MYO5B: variants seen among roughly 807,000 people sequenced by gnomAD.
MYO5B encodes unconventional myosin-Vb.
In MYO5B, 143 loss-of-function variants were observed where a neutral mutation model predicts 229.3. That is an observed-to-expected ratio of 0.62 (90% CI 0.54 to 0.72). The LOEUF (loss-of-function observed/expected upper bound fraction) is 0.72, where lower values mean the gene tolerates loss of function less well. MYO5B is among the 30% of genes least tolerant of loss of function. The probability of loss-of-function intolerance (pLI) is 0.00; values close to 1 mark genes in which losing one functional copy is unlikely to be tolerated. For missense variants in MYO5B, 2,321 were observed against 2,331.0 expected (o/e 1.00, Z 0.09); for synonymous variants, 918 against 885.2 (o/e 1.04, Z -0.66).
chr18:50,017,288 T>G (rs1471134710), intron 4 of MYO5B, among the ~76,000 whole-genome samples: 1 of 151,070 alleles, frequency 6.6e-6, no homozygotes, highest in Non-Finnish European at 1.5e-5. Flanking sequence ...CTGGCTAAAT[T>G]TTTTTTTTGT....
intron 1 of MYO5B, among the ~76,000 whole-genome samples, chr18:50,082,660 C>T (rs2031246114): frequency 1.3e-5 from 2 of 152,308 alleles, no homozygotes; most frequent in South Asian, 4.1e-4. Flanking sequence ...TCATGGATAT[C>T]CCTTCCAACT....
intron 1 of MYO5B, among the ~76,000 whole-genome samples, chr18:50,096,127 A>G (rs56233510): frequency 0.076 from 11,517 of 152,220 alleles, 576 homozygotes; most frequent in Non-Finnish European, 0.11. Context: ...GACACTTCCC[A>G]TATATGAAAA....
intron 36 of MYO5B, 49 bp from the exon 37 acceptor site, chr18:49,837,851 C>G: frequency 6.2e-7 from 1 of 1,604,628 alleles, no homozygotes; most frequent in Non-Finnish European, 8.5e-7. Context: ...ACTAACAATG[C>G]AAAGATTGGA....
At chr18:49,961,974 G>A (rs1475349235) in intron 12 of MYO5B, among the ~76,000 whole-genome samples, 2 of 152,146 alleles carry the variant, frequency 1.3e-5, no homozygotes, top group East Asian at 3.9e-4. Context: ...TGGCACCTAG[G>A]TCACCTGGGA....
At chr18:49,887,679 A>T (rs2024659564) in intron 22 of MYO5B, among the ~76,000 whole-genome samples, 1 of 152,010 alleles carries the variant, frequency 6.6e-6, no homozygotes, top group Admixed American at 6.6e-5. Context: ...ATGCAGCCAC[A>T]GGTGTTTCTT....
At position 49,990,506 on chromosome 18, in the gene MYO5B, C is replaced by T. The variant is rs1054946795; in HGVS notation, c.771G>A (p.Arg257=). ...AGAGCTGGTAAAAGATGTGGTAATT[C>T]CTCTCATCATCTGCCTGGAGGAGGA... ...SRVVFQADDE[R]NYHIFYQLCA... Residue 257 remains arginine, a synonymous_variant, in exon 7 of 40, where the codon AGG becomes AGA. Coordinates refer to ENST00000285039, the MANE Select transcript of MYO5B (RefSeq NM_001080467.3). The T allele has an allele frequency of 2.4e-5, 39 of 1,613,564 alleles. No individual in the cohort carries two copies. The highest frequency in any genetic ancestry group is 3.0e-5 in the Non-Finnish European group (35 of 1,179,708).
chr18:49,830,433 A>G (rs933773607), intron 39 of MYO5B, among the ~76,000 whole-genome samples: 2 of 152,212 alleles, frequency 1.3e-5, no homozygotes, highest in African/African-American at 4.8e-5. Context: ...TACATAAGCA[A>G]TCTACAGATT....
intron 1 of MYO5B, among the ~76,000 whole-genome samples, chr18:50,123,661 C>T (rs1447416871): frequency 3.9e-5 from 6 of 152,144 alleles, no homozygotes; most frequent in Admixed American, 3.3e-4. Flanking sequence ...AAGCCATGAT[C>T]GTACCACTGC....
intron 4 of MYO5B, among the ~76,000 whole-genome samples, chr18:50,032,754 G>A (rs1244182265): frequency 6.6e-6 from 1 of 152,206 alleles, no homozygotes; most frequent in Admixed American, 6.5e-5. Context: ...GGGAGGCCAA[G>A]GCGGGTGGAT....
chr18:49,857,641 C>A (rs1397700052), intron 29 of MYO5B, among the ~76,000 whole-genome samples: 1 of 152,190 alleles, frequency 6.6e-6, no homozygotes. Flanking sequence ...GGTGCGTTAC[C>A]ACTTTTTACT....
At chr18:50,108,987 A>G (rs1467101961) in intron 1 of MYO5B, among the ~76,000 whole-genome samples, 2 of 152,174 alleles carry the variant, frequency 1.3e-5, no homozygotes, top group African/African-American at 4.8e-5. Flanking sequence ...CCAGGCTCCA[A>G]GAAGAATAAA....
chr18:49,875,677 C>T lies in MYO5B; in HGVS notation c.3537+10G>A. ...AAGCACCATAAGAGCACTGCAGCCC[C>T]TTCACGTACCTGGACTTTCTTGCTG... On this transcript the variant is annotated intron_variant, in intron 26 of 39. Coordinates refer to ENST00000285039, the MANE Select transcript of MYO5B (RefSeq NM_001080467.3). 5 of 1,614,100 alleles carry T rather than the reference C, an allele frequency of 3.1e-6. No individual in the cohort carries two copies. Among genetic ancestry groups the T allele is most frequent in the Non-Finnish European group, 4.2e-6 (5 of 1,179,996 alleles).
chr18:49,837,367 T>C (rs1196621128), intron 37 of MYO5B, 150 bp downstream of exon 37: 1 of 934,944 alleles, frequency 1.1e-6, no homozygotes, highest in South Asian at 1.5e-5. Context: ...GGTAAAAAGG[T>C]GATGGATTTG....
intron 14 of MYO5B, among the ~76,000 whole-genome samples, chr18:49,949,948 G>A (rs980453274): frequency 6.6e-6 from 1 of 152,120 alleles, no homozygotes; most frequent in Admixed American, 6.5e-5. Context: ...AATGACAGAT[G>A]CTGCCAGACA....
chr18:49,957,237 A>C (rs190594941), intron 12 of MYO5B, among the ~76,000 whole-genome samples: 133 of 82,916 alleles, frequency 1.6e-3, no homozygotes, highest in Non-Finnish European at 2.7e-3. Flanking sequence ...GTGGATCTCT[A>C]AACAGAAACT....
At chr18:50,005,445 C>G (rs2026090878) in intron 4 of MYO5B, among the ~76,000 whole-genome samples, 1 of 152,218 alleles carries the variant, frequency 6.6e-6, no homozygotes, top group Admixed American at 6.5e-5. Context: ...GGATCTCACT[C>G]TGTCACCCAG....
chr18:49,974,779 T>TCACACACACACAGACACACACACACACA (rs1555648455), intron 9 of MYO5B, among the ~76,000 whole-genome samples, 164 bp from the exon 10 acceptor site: 3 of 117,122 alleles, frequency 2.6e-5, no homozygotes, highest in African/African-American at 1.1e-4. Context: ...GCAGTCTCTC[T>TCACACACACACAGACACACACACACACA]CACACACACA....
chr18:50,060,174 A>AT (rs1433235494), intron 1 of MYO5B, among the ~76,000 whole-genome samples: 1 of 152,116 alleles, frequency 6.6e-6, no homozygotes, highest in Non-Finnish European at 1.5e-5. Context: ...TATTATGTAA[A>AT]TTTTTTCTCA....
At chr18:49,912,002 C>T (rs1205114442) in intron 18 of MYO5B, 60 bp downstream of exon 18, 6 of 1,261,280 alleles carry the variant, frequency 4.8e-6, no homozygotes, top group African/African-American at 1.5e-5. Context: ...AACGACGCCA[C>T]CCCCTCAATC....
Sources: gnomAD v4.1 joint callset for allele counts (sites outside exome capture counted in the v4.1 genomes callset) on GRCh38, gnomAD v4.1.1 for gene constraint, MANE v1.5 for transcripts, NCBI Gene and HGNC (gene_info 2026-07-23, HGNC 2026-07-21) for gene names.